CPEB1: variants seen among roughly 807,000 people sequenced by gnomAD.
CPEB1 encodes the protein cytoplasmic polyadenylation element-binding protein 1.
CPEB1 carries 7 observed loss-of-function variants against 65.8 expected under a neutral mutation model. That is an observed-to-expected ratio of 0.11 (90% confidence interval 0.06 to 0.20). CPEB1 has a LOEUF of 0.20. Ranked by LOEUF, CPEB1 falls within the 10% of genes least tolerant of loss-of-function variation. The pLI is 1.00. For missense variants in CPEB1, 551 were observed against 712.2 expected (o/e 0.77, Z 2.58); for synonymous variants, 262 against 260.0 (o/e 1.01, Z -0.08).
At chr15:82,643,657 G>GAA (rs34214467) in intron 1 of CPEB1, among the ~76,000 whole-genome samples, 1 of 149,396 alleles carries the variant, frequency 6.7e-6, no homozygotes, top group African/African-American at 2.5e-5. Flanking sequence ...TGAAATATAG[G>GAA]AAAAAAAAAA....
intron 3 of CPEB1, among the ~76,000 whole-genome samples, chr15:82,592,950 T>C (rs1314753898): frequency 1.3e-5 from 2 of 152,060 alleles, no homozygotes; most frequent in African/African-American, 2.4e-5. Context: ...TGAGCCAAGA[T>C]TGCGCTGCTA....
upstream of CPEB1, chr15:82,647,980 C>T: frequency 1.1e-6 from 1 of 877,334 alleles, no homozygotes. Context: ...CAGCCCCGCA[C>T]CCCGGCAGCT....
upstream of CPEB1, chr15:82,647,815 G>A (rs1329530200): frequency 7.8e-7 from 1 of 1,282,608 alleles, no homozygotes; most frequent in Non-Finnish European, 9.8e-7. Flanking sequence ...TACTGCGGCC[G>A]GGACGCGGCC....
upstream of CPEB1, chr15:82,648,291 T>G: frequency 6.0e-6 from 1 of 166,994 alleles, no homozygotes; most frequent in African/African-American, 2.4e-5. Context: ...GGGCACGATT[T>G]ACAAGCCCCT....
rs1567159495 is a variant in CPEB1, at chr15:82,543,464, A to ATT, written c.*1127_*1128insAA. ...TTGTGGGTTTTTTGTTTCTTTTTAA[A>ATT]AAAAAAAAAAAAAAAAAAAAGGAAA... On this transcript the variant is annotated 3_prime_UTR_variant, in exon 13 of 13. Transcript: ENST00000684509. 691 of 125,762 alleles carry ATT rather than the reference A, an allele frequency of 5.5e-3. 7 individuals carry two copies. The highest frequency in any genetic ancestry group is 0.023 in the African/African-American group (599 of 26,494). 7.8% of individuals were successfully genotyped at this position (125,762 alleles called of 1,614,324 possible).
At chr15:82,641,234 A>T (rs989470303) in intron 1 of CPEB1, among the ~76,000 whole-genome samples, 2 of 149,062 alleles carry the variant, frequency 1.3e-5, no homozygotes, top group Non-Finnish European at 3.0e-5. Flanking sequence ...TTACAGCTTT[A>T]AAAAAAAACA....
chr15:82,559,227 C>T (rs191241176), intron 4 of CPEB1, among the ~76,000 whole-genome samples: 51 of 152,246 alleles, frequency 3.3e-4, no homozygotes, highest in Admixed American at 2.9e-3. Context: ...GGGTACGAGA[C>T]ACACATGCCA....
At chr15:82,628,102 T>C (rs779156492) in intron 2 of CPEB1, 60 of 664,756 alleles carry the variant, frequency 9.0e-5, no homozygotes, top group African/African-American at 7.8e-4. Context: ...AGAACCCCAA[T>C]AGAGAGAAGG....
Position 82,549,619 on chromosome 15 carries a change from C to G in CPEB1, c.1321G>C (p.Val441Leu). ...IPWVLADSNF[V>L]RSPSQRLDPS... is the part of the protein sequence containing the mutation. ...TCAAGCCTCTGAGATGGGCTCCGGA[C>G]AAAGTTACTGTCGGCTAATACCCAG... Residue 441 changes from valine (V) to leucine (L), a missense_variant, in exon 10 of 13, where the codon GTC (valine) becomes CTC (leucine). By Grantham distance (32) the Val-to-Leu change is conservative. Coordinates refer to ENST00000684509, the MANE Select transcript of CPEB1 (RefSeq NM_001365242.1). 1 of 1,614,158 alleles carries G rather than the reference C, an allele frequency of 6.2e-7. No homozygotes were observed. Among genetic ancestry groups the G allele is most frequent in the Non-Finnish European group, 8.5e-7 (1 of 1,180,028 alleles).
At chr15:82,645,002 C>A (rs1285597669) in intron 1 of CPEB1, among the ~76,000 whole-genome samples, 1 of 152,178 alleles carries the variant, frequency 6.6e-6, no homozygotes, top group Admixed American at 6.5e-5. Context: ...ATGGCCTAAC[C>A]CAAACTGCAA....
intron 7 of CPEB1, 38 bp downstream of exon 7, chr15:82,553,840 C>G (rs1479888174): frequency 7.2e-7 from 1 of 1,380,476 alleles, no homozygotes. Context: ...ACATGCCCCA[C>G]CCTTCAACTC....
chr15:82,575,869 TTTC>T (rs1481398234), intron 3 of CPEB1, among the ~76,000 whole-genome samples: 1 of 152,166 alleles, frequency 6.6e-6, no homozygotes, highest in Non-Finnish European at 1.5e-5. Context: ...GCTTATATAT[TTTC>T]TTCCTTTTCA....
intron 3 of CPEB1, among the ~76,000 whole-genome samples, chr15:82,585,514 T>TA (rs1023842255): frequency 1.3e-5 from 2 of 152,134 alleles, no homozygotes; most frequent in Admixed American, 1.3e-4. Flanking sequence ...AACTTACAAC[T>TA]ATCACCACAT....
At chr15:82,644,008 T>C (rs1274734282) in intron 1 of CPEB1, among the ~76,000 whole-genome samples, 1 of 152,104 alleles carries the variant, frequency 6.6e-6, no homozygotes, top group Non-Finnish European at 1.5e-5. Flanking sequence ...ATTTTAACTG[T>C]CCTGAAAAAA....
Position 82,606,334 on chromosome 15 carries a change from T to C in CPEB1, c.271+20859A>G, listed in dbSNP as rs557080902. On this transcript the variant is annotated intron_variant, in intron 3 of 12. Transcript: ENST00000684509. Reference sequence around the variant, plus strand: ...AAATACCAAAAAAATTAGCCGGGCATGGTGATGGGTACCTGGTATCCCAGC... The same window carrying C: ...AAATACCAAAAAAATTAGCCGGGCACGGTGATGGGTACCTGGTATCCCAGC... Among the ~76,000 whole-genome samples the C allele has an allele frequency of 4.6e-5, 7 of 151,520 alleles. No individual in the cohort carries two copies. The South Asian group carries it at 1.5e-3, about 32-fold the overall frequency.
At chr15:82,641,811 T>G (rs1342649461) in intron 1 of CPEB1, 1 of 151,000 alleles carries the variant, frequency 6.6e-6, no homozygotes, top group Non-Finnish European at 1.5e-5. Context: ...CCTGAACTAC[T>G]GAAAGTAAAG....
chr15:82,574,414 G>C (rs2040413923), intron 3 of CPEB1, among the ~76,000 whole-genome samples: 1 of 152,038 alleles, frequency 6.6e-6, no homozygotes, highest in African/African-American at 2.4e-5. Flanking sequence ...GGTGTTTTGT[G>C]AGGATTAAAG....
chr15:82,563,789 T>C (rs1164713399), intron 4 of CPEB1, among the ~76,000 whole-genome samples: 1 of 152,178 alleles, frequency 6.6e-6, no homozygotes, highest in Non-Finnish European at 1.5e-5. Context: ...CTTTGTATAA[T>C]TTTATTTGTA....
intron 10 of CPEB1, 141 bp from the exon 11 acceptor site, chr15:82,547,378 G>A (rs1035236108): frequency 5.3e-5 from 29 of 549,366 alleles, no homozygotes; most frequent in Admixed American, 4.8e-4. Context: ...CTCACTGCAA[G>A]CTCTGCCTCC....
Sources: allele counts gnomAD v4.1 joint callset (sites outside exome capture counted in the v4.1 genomes callset), GRCh38; gene constraint gnomAD v4.1.1; transcripts MANE v1.5; gene names NCBI Gene and HGNC (gene_info 2026-07-23, HGNC 2026-07-21).